HDAC4: variants seen among roughly 807,000 people sequenced by gnomAD.
HDAC4 encodes the protein histone deacetylase 4, also known as histone deacetylase A.
Under a neutral mutation model 135.1 loss-of-function variants are expected in HDAC4, and 16 were observed. The ratio of observed to expected loss-of-function variants is 0.12; its 90% CI spans 0.08 to 0.18. The LOEUF is 0.18. Among genes scored for constraint, HDAC4 ranks in the 10% least tolerant of loss-of-function variants. The pLI is 1.00. For synonymous variants in HDAC4, 685 were observed against 653.4 expected, an observed-to-expected ratio of 1.05 and a Z score of -0.74; for missense variants, 1,143 against 1,511.8, an observed-to-expected ratio of 0.76 and a Z score of 4.05.
chr2:239,256,044 G>A (rs1408953592), intron 2 of HDAC4, among the ~76,000 whole-genome samples: 3 of 152,222 alleles, frequency 2.0e-5, no homozygotes, highest in Non-Finnish European at 2.9e-5. Flanking sequence ...CAAATATTAT[G>A]TTTGTCTTTT....
rs1041481760 is a variant in HDAC4, at chr2:239,066,760, C to T, written c.2965G>A (p.Ala989Thr). 3.8e-5 allele frequency: 62 copies of T among 1,613,852 alleles called. No individual in the cohort carries two copies. In the Admixed American group the frequency reaches 4.2e-4, roughly 11 times the overall value. The change falls in exon 24 of 27, where the codon GCC becomes ACC. Residue 989 changes from alanine to threonine, a missense_variant. This residue lies in a region of HDAC4 where 189 missense variants were observed against 317.6 expected (regional missense o/e 0.60). Transcript: ENST00000543185. ...AAGGCAGAAACACATGCTTCCGAGG[C>T]GTCGCAAATGGCGGTCAGGTCGTGG... Reference protein sequence around the residue: ...GGHDLTAICDASEACVSALLG... With the variant: ...GGHDLTAICDTSEACVSALLG...
chr2:239,213,115 C>T (rs1036044387), intron 3 of HDAC4, among the ~76,000 whole-genome samples: 4 of 152,122 alleles, frequency 2.6e-5, no homozygotes, highest in African/African-American at 9.7e-5. Context: ...CCCGCCAGTA[C>T]CCAGAGCTGT....
chr2:239,382,881 C>A (rs1007034108), intron 1 of HDAC4, among the ~76,000 whole-genome samples: 6 of 152,120 alleles, frequency 3.9e-5, no homozygotes, highest in African/African-American at 1.4e-4. Context: ...TGAGCCACCA[C>A]GACTGGCTAA....
At chr2:239,160,830 G>A (rs966148510) in intron 6 of HDAC4, among the ~76,000 whole-genome samples, 1 of 152,246 alleles carries the variant, frequency 6.6e-6, no homozygotes, top group Non-Finnish European at 1.5e-5. Context: ...ATACGGAGAA[G>A]CATTGCTGGG....
intron 3 of HDAC4, among the ~76,000 whole-genome samples, chr2:239,235,816 G>T (rs561532041): frequency 8.1e-4 from 124 of 152,338 alleles, no homozygotes; most frequent in African/African-American, 2.9e-3. Context: ...GAGGCAGGCA[G>T]ATTACTTGAG....
chr2:239,385,431 C>T lies in HDAC4; in HGVS notation c.-220+15547G>A, dbSNP rs867419994. Among the ~76,000 whole-genome samples the T allele has an allele frequency of 2.2e-4, 33 of 152,358 alleles. 1 individual carries two copies. The highest frequency in any genetic ancestry group is 6.8e-3 in the Middle Eastern group (2 of 294). ...CCCACGACTCTGCCCAGCTCAGCAG[C>T]GGGGAAGCTCTGCCTCCACCCGGCT... On this transcript the variant is annotated intron_variant, in intron 1 of 26. Coordinates refer to ENST00000543185, the MANE Select transcript of HDAC4 (RefSeq NM_001378414.1).
chr2:239,392,075 C>T (rs1486289231), intron 1 of HDAC4, among the ~76,000 whole-genome samples: 1 of 152,228 alleles, frequency 6.6e-6, no homozygotes, highest in African/African-American at 2.4e-5. Context: ...CAGGCCCCAT[C>T]CTGCCCGGGC....
intron 2 of HDAC4, among the ~76,000 whole-genome samples, chr2:239,271,626 C>A (rs2050063978): frequency 6.6e-6 from 1 of 152,144 alleles, no homozygotes; most frequent in Admixed American, 6.5e-5. Context: ...TAGACACTGT[C>A]GTCATCCCCA....
intron 22 of HDAC4, among the ~76,000 whole-genome samples, chr2:239,073,965 AG>A (rs1273879982): frequency 1.3e-5 from 2 of 150,190 alleles, no homozygotes; most frequent in East Asian, 2.0e-4. Context: ...AGCAGGACTG[AG>A]GGGGGCCGCA....
Position 239,082,176 on chromosome 2 carries a change from G to C in HDAC4, c.2578C>G (p.Pro860Ala), listed in dbSNP as rs764915699. 1.2e-6 allele frequency: 2 copies of C among 1,614,084 alleles called. No individual in the cohort carries two copies. Among genetic ancestry groups the C allele is most frequent in the African/African-American group, 2.7e-5 (2 of 74,938 alleles). ...NGTQQAFYSDPSVLYMSLHRY... is the reference protein window; with the variant it reads ...NGTQQAFYSDASVLYMSLHRY... Reference sequence around the variant, plus strand: ...TGGAGGGACATGTACAGGACGCTGGGGTCGCTGTAGAAAGCCTGCTGGGTC... The same window carrying C: ...TGGAGGGACATGTACAGGACGCTGGCGTCGCTGTAGAAAGCCTGCTGGGTC... The change falls in exon 21 of 27, where the codon CCC becomes GCC. Residue 860 changes from proline (P) to alanine (A), a missense_variant. By Grantham distance (27) the Pro-to-Ala change is conservative (BLOSUM62 -1). This residue lies in a region of HDAC4 where 189 missense variants were observed against 317.6 expected (regional missense o/e 0.60). Transcript: ENST00000543185.
At position 239,400,841 on chromosome 2, in the gene HDAC4, G is replaced by C. The variant is rs938879757; in HGVS notation, c.-220+137C>G. The C allele has an allele frequency of 6.9e-6, 1 of 145,976 alleles. No homozygotes were observed. The highest frequency in any genetic ancestry group is 2.5e-5 in the African/African-American group (1 of 40,494). 9.0% of individuals were successfully genotyped at this position (145,976 alleles called of 1,614,324 possible). A position where few individuals can be genotyped will look rare whatever the true frequency, so the allele number is the denominator to read the frequency against. On this transcript the variant is annotated intron_variant, in intron 1 of 26. Transcript: ENST00000543185. This position sits in a 1 kb window ranked among gnomAD's most constrained non-coding sequence, Gnocchi z 4.7. ...ACGGCGCCGCCGGGGGCCCAGGCTG[G>C]GAGGCTGTTCGGGCGGCGGCGGCGG...
At chr2:239,266,388 G>A (rs1016468699) in intron 2 of HDAC4, among the ~76,000 whole-genome samples, 1 of 152,252 alleles carries the variant, frequency 6.6e-6, no homozygotes, top group Non-Finnish European at 1.5e-5. Context: ...CATGACCTCC[G>A]CACAGCCATC....
intron 3 of HDAC4, among the ~76,000 whole-genome samples, chr2:239,218,196 T>C (rs2046750213): frequency 6.6e-6 from 1 of 152,204 alleles, no homozygotes; most frequent in Admixed American, 6.5e-5. Flanking sequence ...ACATGAAAAT[T>C]ACCAGATTGG....
intron 22 of HDAC4, among the ~76,000 whole-genome samples, chr2:239,078,814 C>T (rs1029084940): frequency 4.6e-5 from 7 of 152,182 alleles, no homozygotes; most frequent in African/African-American, 1.2e-4. Flanking sequence ...ACCCAAGAGC[C>T]GAAGGCACCA....
chr2:239,243,177 T>C (rs760920200), intron 2 of HDAC4, among the ~76,000 whole-genome samples: 4 of 151,110 alleles, frequency 2.6e-5, no homozygotes, highest in East Asian at 1.9e-4. Flanking sequence ...TTTTGAGACA[T>C]TGTCTCGCTC....
At chr2:239,365,030 T>C (rs1694099737) in intron 1 of HDAC4, among the ~76,000 whole-genome samples, 1 of 152,258 alleles carries the variant, frequency 6.6e-6, no homozygotes, top group South Asian at 2.1e-4. Flanking sequence ...AAATCATTTT[T>C]AATTTGTGTA....
intron 16 of HDAC4, among the ~76,000 whole-genome samples, chr2:239,097,380 G>A (rs1355287726): frequency 6.6e-6 from 1 of 152,222 alleles, no homozygotes; most frequent in Non-Finnish European, 1.5e-5. Flanking sequence ...GCTGTCCTGG[G>A]CCTACTTCCT....
At chr2:239,220,128 A>G (rs1374529027) in intron 3 of HDAC4, among the ~76,000 whole-genome samples, 1 of 152,270 alleles carries the variant, frequency 6.6e-6, no homozygotes, top group Non-Finnish European at 1.5e-5. Flanking sequence ...CACAGTGTAG[A>G]CTAAACACTG....
chr2:239,072,396 C>T (rs2034288965), intron 22 of HDAC4, among the ~76,000 whole-genome samples: 1 of 152,200 alleles, frequency 6.6e-6, no homozygotes, highest in Non-Finnish European at 1.5e-5. Context: ...TCTGGGGGTC[C>T]CCTCACCAAG....
Sources: allele counts gnomAD v4.1 joint callset (sites outside exome capture counted in the v4.1 genomes callset), GRCh38; gene constraint gnomAD v4.1.1; regional missense constraint gnomAD v4.1.1; non-coding constraint Gnocchi (gnomAD v3.1); transcripts MANE v1.5; gene names NCBI Gene and HGNC (gene_info 2026-07-23, HGNC 2026-07-21).